Variants in MYO1D observed in about 807,000 individuals in gnomAD.
The protein encoded by MYO1D is myosin ID, also known as unconventional myosin-Id.
A neutral mutation model predicts 122.0 loss-of-function variants in MYO1D; 83 were observed. The observed-to-expected ratio is 0.68, with a 90% CI of 0.57 to 0.82. MYO1D has a LOEUF of 0.82. Ranked by LOEUF, MYO1D falls within the 40% of genes least tolerant of loss-of-function variation. MYO1D has a pLI of 0.00. For missense variants in MYO1D, 1,157 were observed against 1,269.5 expected, an observed-to-expected ratio of 0.91 and a Z score of 1.35; for synonymous variants, 464 against 446.9, an observed-to-expected ratio of 1.04 and a Z score of -0.48.
chr17:32,772,246 C>T (rs573423355), intron 5 of MYO1D, among the ~76,000 whole-genome samples: 7 of 152,118 alleles, frequency 4.6e-5, no homozygotes, highest in Non-Finnish European at 7.4e-5. Flanking sequence ...GCTTTAAAAT[C>T]TAAAAGCACT....
At chr17:32,750,615 C>CAATAAATA (rs375117230) in intron 11 of MYO1D, among the ~76,000 whole-genome samples, 2 of 151,758 alleles carry the variant, frequency 1.3e-5, no homozygotes, top group Middle Eastern at 3.4e-3. Flanking sequence ...GACTCTGTCT[C>CAATAAATA]AATAAATAAA....
At chr17:32,604,185 A>G (rs551140126) in intron 21 of MYO1D, among the ~76,000 whole-genome samples, 2 of 117,432 alleles carry the variant, frequency 1.7e-5, no homozygotes, top group African/African-American at 6.0e-5. Context: ...AGCCACGTCT[A>G]AACTGAAAAA....
chr17:32,537,105 TATTAATGACATCTAAA>T (rs1910686371), intron 21 of MYO1D, among the ~76,000 whole-genome samples: 1 of 152,222 alleles, frequency 6.6e-6, no homozygotes, highest in African/African-American at 2.4e-5. Flanking sequence ...AGATGACCTA[TATTAATGACATCTAAA>T]GAATTTTAGA....
intron 20 of MYO1D, among the ~76,000 whole-genome samples, chr17:32,623,963 T>C (rs574180438): frequency 2.5e-4 from 38 of 152,248 alleles, no homozygotes; most frequent in Admixed American, 2.1e-3. Flanking sequence ...TTTTGACATA[T>C]GAATTTTGGG....
At chr17:32,755,757 A>C in intron 10 of MYO1D, 95 bp from the exon 11 acceptor site, 1 of 1,095,900 alleles carries the variant, frequency 9.1e-7, no homozygotes. Context: ...TTCAGGTAAA[A>C]CTACTTTGGT....
intron 1 of MYO1D, among the ~76,000 whole-genome samples, chr17:32,801,166 TATTA>T (rs1414677058): frequency 7.2e-5 from 11 of 152,238 alleles, no homozygotes; most frequent in African/African-American, 2.7e-4. Context: ...TTATAAATAA[TATTA>T]TTTACAAATC....
chr17:32,738,419 C>A, intron 13 of MYO1D, 34 bp from the exon 14 acceptor site: 11 of 1,531,872 alleles, frequency 7.2e-6, no homozygotes, highest in Non-Finnish European at 9.7e-6. Flanking sequence ...TCAAATGTCA[C>A]ATTCAAATAA....
At chr17:32,501,810 GT>G (rs1424545694) in intron 21 of MYO1D, among the ~76,000 whole-genome samples, 1 of 152,222 alleles carries the variant, frequency 6.6e-6, no homozygotes, top group Non-Finnish European at 1.5e-5. Flanking sequence ...GTAAGGAAGT[GT>G]TTCCCTGAGT....
rs57125657 is a variant in MYO1D at position 32,686,964 on chromosome 17, AACACACACACACAC to A, written c.2121+25010_2121+25023del. The stretch of plus-strand genomic sequence containing the variant: ...TGATAAGAGTGAGATCCTGTTTCAA[AACACACACACACAC>A]ACACACACACACACACACACACACA... On this transcript the variant is annotated intron_variant, in intron 16 of 21. Coordinates refer to ENST00000318217, the MANE Select transcript of MYO1D (RefSeq NM_015194.3). Among the ~76,000 whole-genome samples, 269 of 145,520 alleles carry A rather than the reference AACACACACACACAC, an allele frequency of 1.8e-3. 1 individual carries two copies. Among genetic ancestry groups the A allele is most frequent in the East Asian group, 6.9e-3 (34 of 4,912 alleles).
intron 20 of MYO1D, among the ~76,000 whole-genome samples, chr17:32,620,431 T>G (rs1434983601): frequency 6.6e-6 from 1 of 152,146 alleles, no homozygotes; most frequent in Non-Finnish European, 1.5e-5. Flanking sequence ...ACCCCTTTCT[T>G]GTACTTTTGG....
At chr17:32,875,583 G>C (rs1432248606) in intron 1 of MYO1D, among the ~76,000 whole-genome samples, 1 of 152,172 alleles carries the variant, frequency 6.6e-6, no homozygotes, top group African/African-American at 2.4e-5. Flanking sequence ...AGCTGATGTA[G>C]AGGTATATCA....
intron 6 of MYO1D, among the ~76,000 whole-genome samples, chr17:32,769,212 T>C (rs1006103934): frequency 3.3e-5 from 5 of 152,166 alleles, no homozygotes; most frequent in African/African-American, 1.2e-4. Context: ...AAAGGACATA[T>C]GCCATGAACA....
intron 21 of MYO1D, chr17:32,504,769 A>G (rs565025011): frequency 6.6e-6 from 1 of 152,354 alleles, no homozygotes; most frequent in Admixed American, 6.5e-5. Flanking sequence ...AAATCCCCGG[A>G]ATGCTCTGCA....
chr17:32,659,305 T>G lies in MYO1D; in HGVS notation c.2155A>C (p.Lys719Gln). 6.2e-7 allele frequency: 1 copy of G among 1,614,238 alleles called. No individual in the cohort carries two copies. Among genetic ancestry groups the G allele is most frequent in the Non-Finnish European group, 8.5e-7 (1 of 1,180,050 alleles). The part of the protein sequence containing the change: ...WRGTLARMRY[K>Q]RTKAALTIIR... ...ATTGTCAGAGCTGCCTTGGTTCTTT[T>G]GTACCGCATGCGGGCCAGGGTGCCC... The change falls in exon 17 of 22, where the codon AAA (lysine) becomes CAA (glutamine). Residue 719 changes from lysine to glutamine, a missense_variant. Coordinates refer to ENST00000318217, the MANE Select transcript of MYO1D (RefSeq NM_015194.3).
At chr17:32,565,648 A>C (rs1003204516) in intron 21 of MYO1D, among the ~76,000 whole-genome samples, 2 of 152,204 alleles carry the variant, frequency 1.3e-5, no homozygotes, top group African/African-American at 4.8e-5. Flanking sequence ...AACATTATCA[A>C]GTAATGACTT....
intron 1 of MYO1D, among the ~76,000 whole-genome samples, chr17:32,838,787 C>T (rs1328921498): frequency 6.6e-6 from 1 of 152,132 alleles, no homozygotes; most frequent in African/African-American, 2.4e-5. Flanking sequence ...AAGGAGCCCA[C>T]TTAAGGGACT....
rs751046882 is a variant in MYO1D, at chr17:32,654,548, C to T, written c.2419G>A (p.Val807Met). 17 of 1,614,004 alleles carry T rather than the reference C, an allele frequency of 1.1e-5. No individual in the cohort carries two copies. The East Asian group carries it at 1.8e-4, about 17-fold the overall frequency. Reference protein sequence around the residue: ...LPQVRAKVAAVEMLKGQRADL... With the variant: ...LPQVRAKVAAMEMLKGQRADL... ...GCCCTTTGACCCTTCAACATTTCCA[C>T]GGCTGCAACCTTTGCCCTGACCTGG... Residue 807 changes from valine (V) to methionine (M), a missense_variant, in exon 18 of 22, where the codon GTG becomes ATG. Physicochemically the swap from Val to Met is conservative, Grantham distance 21. Coordinates refer to ENST00000318217, the MANE Select transcript of MYO1D (RefSeq NM_015194.3).
Position 32,757,328 on chromosome 17 carries a change from T to G in MYO1D, c.1297-1666A>C, listed in dbSNP as rs1441516213. Among the ~76,000 whole-genome samples, 6 of 152,094 alleles carry G rather than the reference T, an allele frequency of 3.9e-5. No homozygotes were observed. The South Asian group carries it at 1.2e-3, about 32-fold the overall frequency. Reference sequence around the variant, plus strand: ...GGGAATTTTGCTCACCAGGGGACATTTGGCAATATCAGGAGACATTTCTAG... The same window carrying G: ...GGGAATTTTGCTCACCAGGGGACATGTGGCAATATCAGGAGACATTTCTAG... On this transcript the variant is annotated intron_variant, in intron 10 of 21. Transcript: ENST00000318217.
chr17:32,811,934 G>A (rs1164854992), intron 1 of MYO1D, among the ~76,000 whole-genome samples: 1 of 152,132 alleles, frequency 6.6e-6, no homozygotes, highest in Admixed American at 6.5e-5. Context: ...GAAATGGAAG[G>A]CACCTGGGTC....
Sources: allele counts gnomAD v4.1 joint callset (sites outside exome capture counted in the v4.1 genomes callset), GRCh38; gene constraint gnomAD v4.1.1; transcripts MANE v1.5; gene names NCBI Gene and HGNC (gene_info 2026-07-23, HGNC 2026-07-21).